The following CNTNAP2 variants were observed in gnomAD, a reference collection of about 807,000 sequenced individuals.
CNTNAP2 encodes the protein contactin associated protein 2.
A neutral mutation model predicts 155.2 loss-of-function variants in CNTNAP2; 98 were observed. That is an observed-to-expected ratio of 0.63 (90% CI 0.54 to 0.75). The LOEUF (loss-of-function observed/expected upper bound fraction) is 0.75, where lower values mean the gene tolerates loss of function less well. CNTNAP2 is among the 30% of genes least tolerant of loss of function. CNTNAP2 has a pLI of 0.00. For missense variants in CNTNAP2, 1,727 were observed against 1,688.1 expected (o/e 1.02, Z -0.40); for synonymous variants, 651 against 631.2 (o/e 1.03, Z -0.47).
intron 8 of CNTNAP2, among the ~76,000 whole-genome samples, chr7:147,140,434 T>G (rs1467892247): frequency 6.6e-6 from 1 of 152,006 alleles, no homozygotes; most frequent in Non-Finnish European, 1.5e-5. Context: ...TTTTTAACCC[T>G]GACATGGTTG....
At chr7:148,242,778 A>ATAAACTGAATAC in intron 20 of CNTNAP2, among the ~76,000 whole-genome samples, 1 of 152,254 alleles carries the variant, frequency 6.6e-6, no homozygotes, top group Non-Finnish European at 1.5e-5. Flanking sequence ...GAAGGAATCC[A>ATAAACTGAATAC]GTTTATGAAT....
At chr7:148,163,207 A>T (rs1404907640) in intron 17 of CNTNAP2, among the ~76,000 whole-genome samples, 1 of 152,210 alleles carries the variant, frequency 6.6e-6, no homozygotes, top group African/African-American at 2.4e-5. Context: ...AAAGCTATCC[A>T]GCCTGGGTGT....
intron 22 of CNTNAP2, among the ~76,000 whole-genome samples, chr7:148,404,409 C>T (rs1454724745): frequency 6.6e-6 from 1 of 152,224 alleles, no homozygotes; most frequent in Non-Finnish European, 1.5e-5. Flanking sequence ...AGACAGAGTG[C>T]CATATGGCAG....
At chr7:148,307,770 T>A (rs1286938402) in intron 21 of CNTNAP2, among the ~76,000 whole-genome samples, 1 of 151,888 alleles carries the variant, frequency 6.6e-6, no homozygotes, top group Non-Finnish European at 1.5e-5. Flanking sequence ...GAGTTTGAGA[T>A]CAGCCTGGGC....
At chr7:146,938,710 C>T (rs1190082410) in intron 3 of CNTNAP2, among the ~76,000 whole-genome samples, 2 of 151,898 alleles carry the variant, frequency 1.3e-5, no homozygotes, top group East Asian at 3.9e-4. Flanking sequence ...AAATGTCTTG[C>T]TAATCTTATT....
intron 1 of CNTNAP2, among the ~76,000 whole-genome samples, chr7:146,227,428 CA>C (rs755623604): frequency 0.025 from 1,459 of 58,736 alleles, 10 homozygotes; most frequent in African/African-American, 0.061. Flanking sequence ...CTGTCTCAAA[CA>C]AAAAAAAAAA....
intron 12 of CNTNAP2, among the ~76,000 whole-genome samples, chr7:147,583,503 C>CAT (rs71183019): frequency 0.067 from 8,642 of 128,902 alleles, 298 homozygotes; most frequent in East Asian, 0.13. Flanking sequence ...AAAGACATGA[C>CAT]ATATATATAT....
chr7:148,151,539 GC>G (rs1805296168), intron 17 of CNTNAP2, among the ~76,000 whole-genome samples: 1 of 151,944 alleles, frequency 6.6e-6, no homozygotes, highest in South Asian at 2.1e-4. Context: ...CAAGTGATCT[GC>G]CCGCCTCAGC....
intron 1 of CNTNAP2, among the ~76,000 whole-genome samples, chr7:146,443,255 A>AATAC (rs1365786551): frequency 1.3e-5 from 2 of 150,452 alleles, no homozygotes; most frequent in African/African-American, 2.5e-5. Context: ...TAAATAAATA[A>AATAC]ATAGATAAAT....
At chr7:147,388,238 G>A (rs1030400201) in intron 9 of CNTNAP2, among the ~76,000 whole-genome samples, 4 of 152,078 alleles carry the variant, frequency 2.6e-5, no homozygotes, top group African/African-American at 9.7e-5. Flanking sequence ...ATTCTGACAT[G>A]ACCCCATCAT....
chr7:147,323,855 G>A (rs142932185), intron 9 of CNTNAP2, among the ~76,000 whole-genome samples: 1 of 150,814 alleles, frequency 6.6e-6, no homozygotes, highest in African/African-American at 2.4e-5. Context: ...TCATATTTCT[G>A]TTCTCCACAA....
At chr7:148,302,394 T>C (rs1046565520) in intron 21 of CNTNAP2, among the ~76,000 whole-genome samples, 1 of 152,134 alleles carries the variant, frequency 6.6e-6, no homozygotes, top group Non-Finnish European at 1.5e-5. Flanking sequence ...ACATGAATAT[T>C]AAAGCTCACA....
chr7:148,123,225 A>G (rs1049344273), intron 16 of CNTNAP2, among the ~76,000 whole-genome samples: 1 of 152,140 alleles, frequency 6.6e-6, no homozygotes, highest in African/African-American at 2.4e-5. Flanking sequence ...CATGGATGAG[A>G]TTGCCCAAAA....
rs1417743558 is a variant in CNTNAP2, at chr7:146,875,680, G to GT, written c.402+35776_402+35777insT. On this transcript the variant is annotated intron_variant, in intron 3 of 23. Coordinates refer to ENST00000361727, the MANE Select transcript of CNTNAP2 (RefSeq NM_014141.6). Reference sequence around the variant, plus strand: ...AGAGGCAGTTTGCTTTTGGCGGGGGGGCAAAGCCAGTTAGGAAATACTGGT... The same window carrying GT: ...AGAGGCAGTTTGCTTTTGGCGGGGGGTGCAAAGCCAGTTAGGAAATACTGGT... Among the ~76,000 whole-genome samples the GT allele has an allele frequency of 3.3e-5, 5 of 151,360 alleles. No homozygotes were observed. The East Asian group carries it at 5.9e-4, about 18-fold the overall frequency.
chr7:146,183,154 T>C lies in CNTNAP2; in HGVS notation c.97+66181T>C, dbSNP rs1010103098. Among the ~76,000 whole-genome samples the C allele has an allele frequency of 5.3e-5, 8 of 152,230 alleles. No individual in the cohort carries two copies. The East Asian group carries it at 1.4e-3, about 26-fold the overall frequency. On this transcript the variant is annotated intron_variant, in intron 1 of 23. Transcript: ENST00000361727. The stretch of plus-strand genomic sequence containing the variant: ...TTGATTCTGCTTTACTTTATAAATG[T>C]GTGCCATGTCCAGTGCCTCTGTTAT...
intron 1 of CNTNAP2, among the ~76,000 whole-genome samples, chr7:146,584,687 T>C (rs1474916764): frequency 6.6e-6 from 1 of 152,174 alleles, no homozygotes; most frequent in Non-Finnish European, 1.5e-5. Flanking sequence ...AAGCCGGCCC[T>C]GCCCCTACAT....
At chr7:146,943,480 A>G in intron 3 of CNTNAP2, among the ~76,000 whole-genome samples, 1 of 152,208 alleles carries the variant, frequency 6.6e-6, no homozygotes, top group Non-Finnish European at 1.5e-5. Context: ...TGACAGAGTA[A>G]GATTCTGTCT....
At chr7:146,995,307 A>C (rs1287083340) in intron 3 of CNTNAP2, among the ~76,000 whole-genome samples, 1 of 152,134 alleles carries the variant, frequency 6.6e-6, no homozygotes, top group African/African-American at 2.4e-5. Flanking sequence ...ATGAGAGCAG[A>C]TACCTCTTCA....
intron 22 of CNTNAP2, among the ~76,000 whole-genome samples, chr7:148,408,462 G>A (rs551692127): frequency 3.9e-5 from 6 of 152,296 alleles, no homozygotes; most frequent in East Asian, 3.9e-4. Flanking sequence ...GTTAGAAAAC[G>A]GAGTATGTAG....
Sources: gnomAD v4.1 joint callset for allele counts (sites outside exome capture counted in the v4.1 genomes callset) on GRCh38, gnomAD v4.1.1 for gene constraint, MANE v1.5 for transcripts, NCBI Gene and HGNC (gene_info 2026-07-23, HGNC 2026-07-21) for gene names.